The following NUP58 variants were observed in gnomAD, a reference collection of about 807,000 sequenced individuals.
The protein encoded by NUP58 is nucleoporin p58/p45.
Under a neutral mutation model 70.1 loss-of-function variants are expected in NUP58, and 17 were observed. That is an observed-to-expected ratio of 0.24 (90% CI 0.17 to 0.36). NUP58 has a LOEUF of 0.36. NUP58 is among the 10% of genes least tolerant of loss of function. The pLI, the probability that NUP58 is intolerant of heterozygous loss-of-function variation, is 1.00. For synonymous variants in NUP58, 275 were observed against 257.6 expected, an observed-to-expected ratio of 1.07 and a Z score of -0.65; for missense variants, 644 against 701.5, an observed-to-expected ratio of 0.92 and a Z score of 0.93.
chr13:25,327,748 T>TTG (rs1413333926), intron 12 of NUP58, among the ~76,000 whole-genome samples: 1 of 152,188 alleles, frequency 6.6e-6, no homozygotes, highest in African/African-American at 2.4e-5. Flanking sequence ...AAGCAGTGCA[T>TTG]TGTGAATAAC....
At chr13:25,301,907 G>T in intron 1 of NUP58, 27 bp downstream of exon 1, 1 of 1,500,304 alleles carries the variant, frequency 6.7e-7, no homozygotes, top group Non-Finnish European at 9.2e-7. Flanking sequence ...GCCTTCCTGG[G>T]CCGGATTCAC....
intron 3 of NUP58, among the ~76,000 whole-genome samples, chr13:25,311,378 G>GT (rs1470656365): frequency 6.6e-6 from 1 of 152,036 alleles, no homozygotes; most frequent in South Asian, 2.1e-4. Context: ...TTTTCTTTTT[G>GT]TTTTTGTTTT....
At chr13:25,319,923 A>G (rs56059123) in intron 7 of NUP58, among the ~76,000 whole-genome samples, 3,212 of 152,218 alleles carry the variant, frequency 0.021, 127 homozygotes, top group African/African-American at 0.074. Context: ...AAGATTAGAG[A>G]AACTAAGATC....
At chr13:25,312,836 A>C (rs756466667) in intron 3 of NUP58, 47 bp from the exon 4 acceptor site, 32 of 1,539,658 alleles carry the variant, frequency 2.1e-5, no homozygotes, top group Non-Finnish European at 1.8e-6. Context: ...CTTACAGGTA[A>C]AGTAGGATTT....
intron 12 of NUP58, among the ~76,000 whole-genome samples, chr13:25,330,720 C>CT (rs1051853488): frequency 6.6e-6 from 1 of 152,082 alleles, no homozygotes. Flanking sequence ...GTTACAAACA[C>CT]TTTTTTTCTT....
At chr13:25,316,108 A>G (rs968248199) in intron 6 of NUP58, among the ~76,000 whole-genome samples, 2 of 152,140 alleles carry the variant, frequency 1.3e-5, no homozygotes, top group Non-Finnish European at 2.9e-5. Context: ...TGGCTTAAAG[A>G]GAGGGATATT....
chr13:25,338,105 C>A (rs2031847379), intron 14 of NUP58, among the ~76,000 whole-genome samples: 1 of 152,126 alleles, frequency 6.6e-6, no homozygotes, highest in African/African-American at 2.4e-5. Flanking sequence ...CAGGAATCTA[C>A]TGTTACTGAG....
intron 1 of NUP58, 132 bp downstream of exon 1, chr13:25,302,012 C>T (rs996634235): frequency 1.1e-5 from 7 of 643,782 alleles, no homozygotes; most frequent in African/African-American, 9.3e-5. Context: ...AGCACTTAAT[C>T]TAGCCGCCCG....
intron 6 of NUP58, among the ~76,000 whole-genome samples, 189 bp from the exon 7 acceptor site, chr13:25,319,137 A>G (rs2031070531): frequency 2.0e-5 from 3 of 152,234 alleles, no homozygotes; most frequent in Non-Finnish European, 4.4e-5. Context: ...ATGTGTACAG[A>G]TGTCTTCATA....
intron 15 of NUP58, among the ~76,000 whole-genome samples, chr13:25,339,222 C>A (rs973422530): frequency 2.0e-5 from 3 of 151,946 alleles, no homozygotes; most frequent in Non-Finnish European, 4.4e-5. Context: ...TGAAAAATTC[C>A]AAATTTCATC....
chr13:25,336,854 T>C, intron 13 of NUP58, 82 bp from the exon 14 acceptor site: 2 of 863,332 alleles, frequency 2.3e-6, no homozygotes, highest in Non-Finnish European at 1.7e-6. Flanking sequence ...TTAAAAATAA[T>C]TTCATAAAGA....
chr13:25,343,234 T>G (rs887987086), downstream of NUP58, among the ~76,000 whole-genome samples: 3 of 151,962 alleles, frequency 2.0e-5, no homozygotes, highest in African/African-American at 4.8e-5. Context: ...CTTTGTATCC[T>G]CATAGCTTAG....
intron 7 of NUP58, 113 bp from the exon 8 acceptor site, chr13:25,320,416 CG>C: frequency 1.6e-6 from 1 of 639,016 alleles, no homozygotes; most frequent in East Asian, 3.1e-5. Context: ...AGAAGCCATA[CG>C]TGCTTTTTTG....
At chr13:25,325,293 A>G (rs2031351050) in intron 10 of NUP58, among the ~76,000 whole-genome samples, 2 of 152,302 alleles carry the variant, frequency 1.3e-5, no homozygotes, top group Non-Finnish European at 1.5e-5. Flanking sequence ...TTTCACCACT[A>G]TTACGCATTT....
At chr13:25,343,805 G>GTGTATATATATATATATATATATA (rs770283276), downstream of NUP58, among the ~76,000 whole-genome samples, 1 of 137,664 alleles carries the variant, frequency 7.3e-6, no homozygotes, top group East Asian at 2.2e-4. Flanking sequence ...ACATATATAT[G>GTGTATATATATATATATATATATA]TATATATATA....
chr13:25,327,103 G>A, intron 11 of NUP58, 69 bp downstream of exon 11: 1 of 872,650 alleles, frequency 1.1e-6, no homozygotes, highest in Non-Finnish European at 1.8e-6. Flanking sequence ...TTATATAATA[G>A]GTATTTTGGA....
chr13:25,310,561 G>A (rs1468619668), intron 3 of NUP58, among the ~76,000 whole-genome samples: 3 of 117,736 alleles, frequency 2.5e-5, no homozygotes, highest in Non-Finnish European at 4.9e-5. Flanking sequence ...CAAGGTCTCA[G>A]TATGTTGCCT....
intron 13 of NUP58, chr13:25,335,254 T>C (rs2031740146): frequency 2.0e-5 from 20 of 985,216 alleles, no homozygotes; most frequent in Non-Finnish European, 2.4e-5. Context: ...TATTGATGAT[T>C]AGAAAAATCT....
chr13:25,320,836 T>G (rs532677519), intron 8 of NUP58, 83 bp from the exon 9 acceptor site: 42 of 913,284 alleles, frequency 4.6e-5, no homozygotes, highest in Non-Finnish European at 3.2e-5. Flanking sequence ...TTAAAACACT[T>G]GGACTGTTTT....
Sources: allele counts gnomAD v4.1 joint callset (sites outside exome capture counted in the v4.1 genomes callset), GRCh38; gene constraint gnomAD v4.1.1; transcripts MANE v1.5; gene names NCBI Gene and HGNC (gene_info 2026-07-23, HGNC 2026-07-21).